Variants in SUGT1 observed in about 807,000 individuals in gnomAD.
The protein encoded by SUGT1 is SGT1 assembly cochaperone of MIS12 kinetochore complex, also known as protein SGT1 homolog.
In SUGT1, 15 loss-of-function variants were observed where a neutral mutation model predicts 56.1. The observed-to-expected ratio is 0.27, with a 90% CI of 0.18 to 0.41. The LOEUF is 0.41. SUGT1 is among the 10% of genes least tolerant of loss of function. SUGT1 has a pLI of 1.00. For missense variants in SUGT1, 347 were observed against 382.2 expected, an observed-to-expected ratio of 0.91 and a Z score of 0.77; for synonymous variants, 123 against 128.6, an observed-to-expected ratio of 0.96 and a Z score of 0.30.
Position 52,652,972 on chromosome 13 carries a change from T to C in SUGT1, c.38+14T>C. On this transcript the variant is annotated intron_variant, in intron 1 of 12. Coordinates refer to ENST00000310528, the MANE Select transcript of SUGT1 (RefSeq NM_006704.5). ...AACATCCCAGAGGTGCATGTTTTTC[T>C]TTCCCTTTGGTATTTATTTTATCCC... 1 of 1,614,224 alleles carries C rather than the reference T, an allele frequency of 6.2e-7. No homozygotes were observed. Among genetic ancestry groups the C allele is most frequent in the Non-Finnish European group, 8.5e-7 (1 of 1,180,020 alleles).
At chr13:52,681,784 A>G (rs1447001711) in intron 12 of SUGT1, among the ~76,000 whole-genome samples, 2 of 151,172 alleles carry the variant, frequency 1.3e-5, no homozygotes, top group African/African-American at 4.9e-5. Flanking sequence ...GCAGTGAGCT[A>G]TGATCGTGCC....
intron 2 of SUGT1, 37 bp downstream of exon 2, chr13:52,653,140 A>G (rs761882127): frequency 5.6e-6 from 9 of 1,613,396 alleles, no homozygotes; most frequent in Non-Finnish European, 5.9e-6. Context: ...CACTCTTCTT[A>G]GGGGAGCTGG....
chr13:52,683,801 G>A (rs1432321620), intron 12 of SUGT1, among the ~76,000 whole-genome samples: 1 of 152,118 alleles, frequency 6.6e-6, no homozygotes, highest in Non-Finnish European at 1.5e-5. Context: ...TATTTCATAT[G>A]GGTGACTTGT....
Position 52,687,734 on chromosome 13 carries a change from A to T in SUGT1, c.901A>T (p.Met301Leu), listed in dbSNP as rs1203115214. 6.4e-7 allele frequency: 1 copy of T among 1,574,294 alleles called. No individual in the cohort carries two copies. The highest frequency in any genetic ancestry group is 8.6e-7 in the Non-Finnish European group (1 of 1,166,718). Reference sequence around the variant, plus strand: ...AATCTATTTTTATTTTTCATTGCAGATGGAGTCGGGTGGTACAGTTTTGAG... The same window carrying T: ...AATCTATTTTTATTTTTCATTGCAGTTGGAGTCGGGTGGTACAGTTTTGAG... ...EVKRAMNKSF[M>L]ESGGTVLSTN... is the part of the protein sequence containing the mutation. Residue 301 changes from methionine to leucine, a missense_variant and splice_region_variant, in exon 13 of 13, where the codon ATG (methionine) becomes TTG (leucine). Physicochemically the swap from Met to Leu is conservative, Grantham distance 15. Transcript: ENST00000310528.
intron 2 of SUGT1, among the ~76,000 whole-genome samples, chr13:52,654,798 A>G (rs951894428): frequency 6.6e-6 from 1 of 152,276 alleles, no homozygotes; most frequent in Non-Finnish European, 1.5e-5. Flanking sequence ...ATTCCATTGT[A>G]TAAATATATG....
At chr13:52,668,299 C>T (rs372082503) in intron 10 of SUGT1, among the ~76,000 whole-genome samples, 12 of 151,990 alleles carry the variant, frequency 7.9e-5, no homozygotes, top group African/African-American at 2.9e-4. Context: ...TTTTTTTATA[C>T]ATAGGTCCTG....
At chr13:52,673,415 T>G (rs1963019412) in intron 10 of SUGT1, among the ~76,000 whole-genome samples, 3 of 152,102 alleles carry the variant, frequency 2.0e-5, no homozygotes, top group Non-Finnish European at 2.9e-5. Context: ...CCTGGCCCCT[T>G]TTACCTTTTT....
chr13:52,689,566 G>C lies in SUGT1; in HGVS notation c.*1731G>C, dbSNP rs768606045. 2 of 152,116 alleles carry C rather than the reference G, an allele frequency of 1.3e-5. No homozygotes were observed. Among genetic ancestry groups the C allele is most frequent in the Non-Finnish European group, 2.9e-5 (2 of 68,006 alleles). The allele number at this position is 152,116 out of a possible 1,614,324, so 9.4% of individuals were successfully genotyped here. A position where few individuals can be genotyped will look rare whatever the true frequency, so the allele number is the denominator to read the frequency against. ...GGTTTAGGCCTTTCTTAGTTCCTTT[G>C]TAAATAATCCATAGAGTCTTAGAGT... On this transcript the variant is annotated 3_prime_UTR_variant, in exon 13 of 13. Coordinates refer to ENST00000310528, the MANE Select transcript of SUGT1 (RefSeq NM_006704.5).
intron 5 of SUGT1, among the ~76,000 whole-genome samples, chr13:52,662,024 A>G (rs1350437016): frequency 6.6e-6 from 1 of 152,172 alleles, no homozygotes; most frequent in African/African-American, 2.4e-5. Flanking sequence ...GAAGTGAATA[A>G]TTTGTTTATG....
rs1206408308 is a variant in SUGT1, at chr13:52,693,603, C to CT, written c.*5769dup. On this transcript the variant is annotated 3_prime_UTR_variant, in exon 13 of 13. Transcript: ENST00000310528. The stretch of plus-strand genomic sequence containing the variant: ...TGTCTCTGTGCCTCAGTTTTTGTGT[C>CT]TATGTAAAGGAGATAATAGGATCCC... The CT allele has an allele frequency of 1.3e-5, 2 of 152,004 alleles. No homozygotes were observed. The highest frequency in any genetic ancestry group is 1.3e-4 in the Admixed American group (2 of 15,270). The allele number at this position is 152,004 out of a possible 1,614,324, so 9.4% of individuals were successfully genotyped here. A position where few individuals can be genotyped will look rare whatever the true frequency, so the allele number is the denominator to read the frequency against.
chr13:52,690,047 C>T lies in SUGT1; in HGVS notation c.*2212C>T, dbSNP rs931526153. The T allele has an allele frequency of 6.6e-6, 1 of 152,022 alleles. No individual in the cohort carries two copies. Among genetic ancestry groups the T allele is most frequent in the Admixed American group, 6.6e-5 (1 of 15,264 alleles). The allele number at this position is 152,022 out of a possible 1,614,324, so 9.4% of individuals were successfully genotyped here. On this transcript the variant is annotated 3_prime_UTR_variant, in exon 13 of 13. Coordinates refer to ENST00000310528, the MANE Select transcript of SUGT1 (RefSeq NM_006704.5). ...ATATATTATCTAGAATATGCTTACC[C>T]ATTGGCTAGATTTGCTAAGTGTTGT...
At chr13:52,658,700 T>C (rs1489144076) in intron 4 of SUGT1, among the ~76,000 whole-genome samples, 1 of 151,814 alleles carries the variant, frequency 6.6e-6, no homozygotes, top group Admixed American at 6.6e-5. Context: ...GATTGAAGTA[T>C]TTGCAAGGTA....
rs1961963165 is a variant in SUGT1, at chr13:52,652,837, T to C, written c.-84T>C. ...AGGACGGAAGCTCGGTTGGTGTTTC[T>C]CCAGAAGTTTCCCCCTTGGGCGGTG... is the stretch of plus-strand genomic sequence containing the variant. On this transcript the variant is annotated 5_prime_UTR_variant, in exon 1 of 13. Transcript: ENST00000310528. 1 of 1,556,350 alleles carries C rather than the reference T, an allele frequency of 6.4e-7. No homozygotes were observed. Among genetic ancestry groups the C allele is most frequent in the South Asian group, 1.2e-5 (1 of 85,258 alleles).
chr13:52,654,768 C>T (rs1465316743), intron 2 of SUGT1, among the ~76,000 whole-genome samples: 2 of 152,290 alleles, frequency 1.3e-5, no homozygotes, highest in East Asian at 3.9e-4. Context: ...AGTAGTAGTT[C>T]TTTCGCATTG....
At chr13:52,654,826 C>T (rs1429816802) in intron 2 of SUGT1, among the ~76,000 whole-genome samples, 4 of 152,170 alleles carry the variant, frequency 2.6e-5, no homozygotes, top group South Asian at 2.1e-4. Context: ...GCCGTAAGTA[C>T]GGCGCAATTT....
At chr13:52,678,790 A>C (rs889121603) in intron 11 of SUGT1, among the ~76,000 whole-genome samples, 1 of 137,790 alleles carries the variant, frequency 7.3e-6, no homozygotes, top group Non-Finnish European at 1.6e-5. Context: ...GCAGTCCTCT[A>C]CCCCAACCTT....
At chr13:52,686,854 T>C (rs1326017829) in intron 12 of SUGT1, among the ~76,000 whole-genome samples, 2 of 152,064 alleles carry the variant, frequency 1.3e-5, no homozygotes, top group East Asian at 1.9e-4. Flanking sequence ...GCGGATCACC[T>C]GAGGGTCGGG....
At chr13:52,683,650 G>A (rs1443537568) in intron 12 of SUGT1, among the ~76,000 whole-genome samples, 2 of 152,146 alleles carry the variant, frequency 1.3e-5, no homozygotes, top group South Asian at 2.1e-4. Flanking sequence ...AAGATATTGT[G>A]TATAATTGGT....
chr13:52,665,786 G>T lies in SUGT1; in HGVS notation c.519+53G>T, dbSNP rs1962676525. The T allele has an allele frequency of 5.9e-6, 7 of 1,192,356 alleles. No homozygotes were observed. The South Asian group carries it at 9.5e-5, about 16-fold the overall frequency. The allele number at this position is 1,192,356 out of a possible 1,614,324, so 73.9% of individuals were successfully genotyped here. ...TTGATTACTATTATTTGCAAATTTA[G>T]TATATTGCAGAATAATCGATAACGG... On this transcript the variant is annotated intron_variant, in intron 9 of 12. Coordinates refer to ENST00000310528, the MANE Select transcript of SUGT1 (RefSeq NM_006704.5).
Sources: gnomAD v4.1 joint callset for allele counts (sites outside exome capture counted in the v4.1 genomes callset) on GRCh38, gnomAD v4.1.1 for gene constraint, MANE v1.5 for transcripts, NCBI Gene and HGNC (gene_info 2026-07-23, HGNC 2026-07-21) for gene names.